NF1: variants seen among roughly 807,000 people sequenced by gnomAD.
NF1 encodes the protein neurofibromin.
Under a neutral mutation model 325.7 loss-of-function variants are expected in NF1, and 122 were observed. The ratio of observed to expected loss-of-function variants is 0.37; its 90% CI spans 0.32 to 0.44. The LOEUF is 0.44. Ranked by LOEUF, NF1 falls within the 20% of genes least tolerant of loss-of-function variation. NF1 has a pLI of 1.00. For synonymous variants in NF1, 1,091 were observed against 1,186.0 expected (o/e 0.92, Z 1.65); for missense variants, 2,140 against 3,415.4 (o/e 0.63, Z 9.31).
chr17:31,313,019 G>A (rs1255260616), intron 36 of NF1, among the ~76,000 whole-genome samples: 1 of 152,042 alleles, frequency 6.6e-6, no homozygotes, highest in African/African-American at 2.4e-5. Flanking sequence ...ACGCATGCAT[G>A]TTTGATTATT....
intron 36 of NF1, among the ~76,000 whole-genome samples, chr17:31,282,077 C>CT (rs1326336383): frequency 2.0e-5 from 3 of 150,568 alleles, no homozygotes; most frequent in Non-Finnish European, 4.4e-5. Context: ...AAAAAAAAAT[C>CT]TTTTTTTTAA....
chr17:31,110,295 G>T (rs1173819477), intron 1 of NF1, among the ~76,000 whole-genome samples: 1 of 152,178 alleles, frequency 6.6e-6, no homozygotes, highest in African/African-American at 2.4e-5. Context: ...AGGACTAGAT[G>T]AATTAGAATT....
At chr17:31,371,675 T>G (rs565267769) in intron 57 of NF1, among the ~76,000 whole-genome samples, 1 of 152,344 alleles carries the variant, frequency 6.6e-6, no homozygotes, top group Admixed American at 6.5e-5. Flanking sequence ...CCTTAAAAAA[T>G]TTAATAAGGG....
chr17:31,349,145 T>C lies in NF1; in HGVS notation c.7215T>C (p.Ile2405=), dbSNP rs2151572549. The C allele has an allele frequency of 6.2e-7, 1 of 1,606,194 alleles. No homozygotes were observed. The highest frequency in any genetic ancestry group is 1.1e-5 in the South Asian group (1 of 89,834). ...LKGYRHPSPA[I]VARTVRILHT... ...GGTACAGGCATCCTTCACCTGCTAT[T>C]GTTGCAAGAACAGTCAGAATTTTAC... The change falls in exon 49 of 58, where the codon ATT becomes ATC. Residue 2405 remains isoleucine, a synonymous_variant. Coordinates refer to ENST00000358273, the MANE Select transcript of NF1 (RefSeq NM_001042492.3).
chr17:31,113,158 T>G (rs553906904), intron 1 of NF1, among the ~76,000 whole-genome samples: 1 of 152,354 alleles, frequency 6.6e-6, no homozygotes, highest in African/African-American at 2.4e-5. Flanking sequence ...GGATCAACTT[T>G]GGGAAGATTG....
chr17:31,278,619 ATT>A (rs1017529666), intron 36 of NF1, among the ~76,000 whole-genome samples: 2 of 113,580 alleles, frequency 1.8e-5, no homozygotes, highest in Admixed American at 9.6e-5. Flanking sequence ...TTTTTTTATT[ATT>A]TTTTTTTTTT....
At chr17:31,230,025 C>CCT in intron 22 of NF1, 51 bp downstream of exon 22, 1 of 1,596,910 alleles carries the variant, frequency 6.3e-7, no homozygotes, top group Non-Finnish European at 8.6e-7. Context: ...ATAAGAAAAA[C>CCT]CTCTTACACA....
At chr17:31,195,451 A>G (rs1403106898) in intron 8 of NF1, among the ~76,000 whole-genome samples, 2 of 152,154 alleles carry the variant, frequency 1.3e-5, no homozygotes, top group Non-Finnish European at 2.9e-5. Context: ...TAGTAGCACT[A>G]TCTTTCACAT....
intron 5 of NF1, among the ~76,000 whole-genome samples, chr17:31,179,201 A>G (rs1455351038): frequency 6.6e-6 from 1 of 152,244 alleles, no homozygotes; most frequent in Non-Finnish European, 1.5e-5. Context: ...ACTCAGGATT[A>G]AGGAACTCAC....
intron 29 of NF1, 29 bp from the exon 30 acceptor site, chr17:31,248,955 G>A (rs375896671): frequency 5.6e-6 from 9 of 1,611,358 alleles, no homozygotes; most frequent in Non-Finnish European, 7.6e-6. Context: ...AAACAAAAGT[G>A]TTAGGATTTT....
chr17:31,226,855 A>C (rs2067024447), intron 18 of NF1, among the ~76,000 whole-genome samples, 171 bp downstream of exon 18: 1 of 152,232 alleles, frequency 6.6e-6, no homozygotes, highest in Non-Finnish European at 1.5e-5. Flanking sequence ...CATTTGAAAT[A>C]AATTGTTAGT....
chr17:31,339,120 T>C (rs1210397456), intron 46 of NF1, among the ~76,000 whole-genome samples: 1 of 152,168 alleles, frequency 6.6e-6, no homozygotes, highest in African/African-American at 2.4e-5. Context: ...TTTTAGGCGC[T>C]AGAGATAGAG....
intron 11 of NF1, among the ~76,000 whole-genome samples, chr17:31,202,928 G>A (rs2066555880): frequency 6.6e-6 from 1 of 152,120 alleles, no homozygotes; most frequent in African/African-American, 2.4e-5. Flanking sequence ...TCAGAAATAA[G>A]TCATTATTGC....
chr17:31,280,794 TA>T (rs1469429079), intron 36 of NF1, among the ~76,000 whole-genome samples: 2 of 151,932 alleles, frequency 1.3e-5, no homozygotes, highest in African/African-American at 4.8e-5. Flanking sequence ...TCCTTTTAGC[TA>T]AGTTTTCTTG....
At chr17:31,180,216 A>G (rs762131650) in intron 5 of NF1, among the ~76,000 whole-genome samples, 2 of 152,220 alleles carry the variant, frequency 1.3e-5, no homozygotes, top group African/African-American at 2.4e-5. Flanking sequence ...CAATAGAAAA[A>G]GAGTGAATCC....
chr17:31,296,513 A>T (rs913462386), intron 36 of NF1: 9 of 647,994 alleles, frequency 1.4e-5, no homozygotes, highest in Admixed American at 1.3e-4. Flanking sequence ...CAAATGCTTA[A>T]TCCTTCAATT....
chr17:31,319,056 T>A, intron 36 of NF1: 1 of 1,542,748 alleles, frequency 6.5e-7, no homozygotes, highest in Admixed American at 2.1e-5. Flanking sequence ...TGTTAGTTTG[T>A]GAAAGAATAA....
chr17:31,205,162 C>T (rs1175000834), intron 11 of NF1, among the ~76,000 whole-genome samples: 4 of 152,062 alleles, frequency 2.6e-5, no homozygotes, highest in African/African-American at 9.7e-5. Flanking sequence ...GGTAATATAA[C>T]TCGATGCTAT....
chr17:31,308,232 G>A (rs1195444147), intron 36 of NF1, among the ~76,000 whole-genome samples: 3 of 151,916 alleles, frequency 2.0e-5, no homozygotes, highest in South Asian at 2.1e-4. Context: ...CTACATCCTG[G>A]GTTCAAGCGA....
Sources: allele counts gnomAD v4.1 joint callset (sites outside exome capture counted in the v4.1 genomes callset), GRCh38; gene constraint gnomAD v4.1.1; transcripts MANE v1.5; gene names NCBI Gene and HGNC (gene_info 2026-07-23, HGNC 2026-07-21).